CCDC7: variants seen among roughly 807,000 people sequenced by gnomAD.
The protein encoded by CCDC7 is coiled-coil domain containing 7.
CCDC7 carries 183 observed loss-of-function variants against 196.9 expected under a neutral mutation model. That is an observed-to-expected ratio of 0.93 (90% CI 0.82 to 1.05). The LOEUF is 1.05. CCDC7 is among the 50% of genes least tolerant of loss of function. CCDC7 has a pLI of 0.00. For missense variants in CCDC7, 1,540 were observed against 1,482.2 expected (o/e 1.04, Z -0.64); for synonymous variants, 525 against 484.6 (o/e 1.08, Z -1.10).
At chr10:32,631,965 G>C (rs1392648091) in intron 18 of CCDC7, among the ~76,000 whole-genome samples, 1 of 151,768 alleles carries the variant, frequency 6.6e-6, no homozygotes, top group East Asian at 1.9e-4. Context: ...TTAGTATATT[G>C]ATCTTATAAT....
At chr10:32,726,661 T>C in intron 25 of CCDC7, 73 bp from the exon 27 acceptor site, 1 of 814,584 alleles carries the variant, frequency 1.2e-6, no homozygotes. Flanking sequence ...ACTTCAAATA[T>C]AGAGATTTCA....
chr10:32,487,435 C>T (rs1564426731), intron 8 of CCDC7, among the ~76,000 whole-genome samples: 1 of 152,112 alleles, frequency 6.6e-6, no homozygotes, highest in African/African-American at 2.4e-5. Context: ...TTTGAACTTC[C>T]TTTTTTAGCT....
At chr10:32,472,648 G>A in intron 7 of CCDC7, 106 bp downstream of exon 8, 1 of 1,044,192 alleles carries the variant, frequency 9.6e-7, no homozygotes. Flanking sequence ...ATGCTGGAGT[G>A]TAGTGGCATG....
intron 13 of CCDC7, among the ~76,000 whole-genome samples, chr10:32,544,670 A>C (rs11815157): frequency 2.6e-5 from 4 of 152,096 alleles, no homozygotes; most frequent in African/African-American, 9.7e-5. Flanking sequence ...TTGAATTTCA[A>C]ATTTTTCAAA....
At chr10:32,775,288 G>A (rs1416803806) in intron 28 of CCDC7, among the ~76,000 whole-genome samples, 2 of 152,066 alleles carry the variant, frequency 1.3e-5, no homozygotes, top group Non-Finnish European at 1.5e-5. Flanking sequence ...AGTATCAGAG[G>A]GCTATGGAAA....
chr10:32,766,110 C>T lies in CCDC7; in HGVS notation c.2906-12867C>T, dbSNP rs116525754. On this transcript the variant is annotated intron_variant, in intron 28 of 41. Transcript: ENST00000639629. ...TCTAGATATATTAGTAAGATATTTG[C>T]ATGTCAGAAGGTGGGACATGAATCC... Among the ~76,000 whole-genome samples, 1,189 of 152,026 alleles carry T rather than the reference C, an allele frequency of 7.8e-3. 23 individuals carry two copies. Among genetic ancestry groups the T allele is most frequent in the African/African-American group, 0.027 (1,100 of 41,488 alleles).
At chr10:32,667,756 C>G (rs530416987) in intron 21 of CCDC7, among the ~76,000 whole-genome samples, 5 of 152,218 alleles carry the variant, frequency 3.3e-5, no homozygotes, top group Admixed American at 2.0e-4. Flanking sequence ...GCACCATGCT[C>G]TTTTGGTTAC....
At position 32,470,903 on chromosome 10, in the gene CCDC7, ATAAATATATTTGT is replaced by A. The variant is rs534385549; in HGVS notation, c.511-160_511-148del. 2.2e-4 allele frequency among the ~76,000 whole-genome samples: 34 copies of A among 152,300 alleles called. No homozygotes were observed. The East Asian group carries it at 4.6e-3, about 21-fold the overall frequency. ...GTTCTATTCATAGATAATTGCTCAT[ATAAATATATTTGT>A]AAAATATTGTATCATTACTTGGCTA... is the stretch of plus-strand genomic sequence containing the variant. On this transcript the variant is annotated intron_variant, in intron 5 of 41. Transcript: ENST00000639629.
chr10:32,747,347 GA>G (rs1180875794), intron 28 of CCDC7, among the ~76,000 whole-genome samples: 1 of 152,088 alleles, frequency 6.6e-6, no homozygotes, highest in Non-Finnish European at 1.5e-5. Flanking sequence ...CATTGCAACA[GA>G]AACAAAAATT....
chr10:32,582,128 A>ATATATATG lies in CCDC7; in HGVS notation c.1455-899_1455-898insGTATATAT, dbSNP rs1554868933. Among the ~76,000 whole-genome samples the ATATATATG allele has an allele frequency of 7.1e-4, 54 of 75,688 alleles. 5 individuals are homozygous for ATATATATG. The highest frequency in any genetic ancestry group is 4.2e-3 in the Admixed American group (32 of 7,700). 49.7% of individuals were successfully genotyped at this position (75,688 alleles called of 152,430 possible). ...GCACTATATATATATATATATATAT[A>ATATATATG]TATATATATATACTTTTTTTTTCAG... On this transcript the variant is annotated intron_variant, in intron 16 of 41. Coordinates refer to ENST00000639629, the Ensembl canonical transcript of CCDC7.
In CCDC7 at chr10:32,643,076, T is replaced by C. The variant is rs559401640; in HGVS notation, c.2014+7918T>C. Among the ~76,000 whole-genome samples, 242 of 152,360 alleles carry C rather than the reference T, an allele frequency of 1.6e-3. 2 individuals are homozygous for C. The highest frequency in any genetic ancestry group is 4.2e-3 in the African/African-American group (176 of 41,588). On this transcript the variant is annotated intron_variant, in intron 20 of 41. Coordinates refer to ENST00000639629, the Ensembl canonical transcript of CCDC7. Reference sequence around the variant, plus strand: ...GTATTTATTTTTTGATTTCCTTTAATTTTTTGTTAGTTCTGACATTTACTA... The same window carrying C: ...GTATTTATTTTTTGATTTCCTTTAACTTTTTGTTAGTTCTGACATTTACTA...
chr10:32,798,738 T>G (rs1318309200), intron 29 of CCDC7, among the ~76,000 whole-genome samples: 1 of 152,252 alleles, frequency 6.6e-6, no homozygotes, highest in Non-Finnish European at 1.5e-5. Flanking sequence ...CCAGGTGCAC[T>G]GCTCAAAGTT....
rs1468637859 is a variant in CCDC7 at position 32,610,001 on chromosome 10, GA to G, written c.1802-24252del. On this transcript the variant is annotated intron_variant, in intron 18 of 41. Coordinates refer to ENST00000639629, the Ensembl canonical transcript of CCDC7. ...TGGGTGAGATGGAGTGAGATAGCAT[GA>G]TTTTTTTTTGCGTATGTGTATGTAT... Among the ~76,000 whole-genome samples, 3 of 150,910 alleles carry G rather than the reference GA, an allele frequency of 2.0e-5. No homozygotes were observed. The East Asian group carries it at 5.8e-4, about 29-fold the overall frequency.
In CCDC7 at chr10:32,806,432, A is replaced by G. The variant is rs553944432; in HGVS notation, c.3097+1334A>G. ...CTGTTAGACTTAGCAGACAATGACT[A>G]CAAAGCAGTTAGTATAAATATATTG... On this transcript the variant is annotated intron_variant, in intron 30 of 41. Transcript: ENST00000639629. 3.9e-5 allele frequency among the ~76,000 whole-genome samples: 6 copies of G among 152,306 alleles called. No homozygotes were observed. The South Asian group carries it at 6.2e-4, about 16-fold the overall frequency.
intron 13 of CCDC7, among the ~76,000 whole-genome samples, chr10:32,548,781 A>G (rs2052946461): frequency 6.6e-6 from 1 of 152,220 alleles, no homozygotes; most frequent in African/African-American, 2.4e-5. Context: ...CATCATATAA[A>G]TATACCACAG....
intron 20 of CCDC7, among the ~76,000 whole-genome samples, chr10:32,637,606 G>T (rs559762055): frequency 1.4e-3 from 217 of 152,106 alleles, no homozygotes; most frequent in Middle Eastern, 0.014. Context: ...TTTTGGTACC[G>T]GTACCATGCT....
chr10:32,805,263 A>G (rs901132864), intron 30 of CCDC7, among the ~76,000 whole-genome samples, 165 bp downstream of exon 31: 5 of 152,184 alleles, frequency 3.3e-5, no homozygotes, highest in Non-Finnish European at 7.4e-5. Flanking sequence ...TATTTACTAG[A>G]AATGTAAAGC....
chr10:32,562,127 A>C (rs2055805691), intron 13 of CCDC7, among the ~76,000 whole-genome samples: 2 of 152,220 alleles, frequency 1.3e-5, no homozygotes, highest in Non-Finnish European at 2.9e-5. Flanking sequence ...TGAATAGACG[A>C]ATAACAGGCT....
intron 22 of CCDC7, among the ~76,000 whole-genome samples, 186 bp from the exon 44 acceptor site, chr10:32,882,507 T>G (rs1442929963): frequency 3.3e-5 from 5 of 152,178 alleles, no homozygotes; most frequent in African/African-American, 7.2e-5. Context: ...ATTTTAGGAT[T>G]GAAAGATCAT....
Sources: gnomAD v4.1 joint callset for allele counts (sites outside exome capture counted in the v4.1 genomes callset) on GRCh38, gnomAD v4.1.1 for gene constraint, MANE v1.5 for transcripts, NCBI Gene and HGNC (gene_info 2026-07-23, HGNC 2026-07-21) for gene names.